The following FRS2 variants were observed in gnomAD, a reference collection of about 807,000 sequenced individuals.
FRS2 encodes FGFR signalling adaptor.
In FRS2, 8 loss-of-function variants were observed where a neutral mutation model predicts 43.9. The ratio of observed to expected loss-of-function variants is 0.18; its 90% CI spans 0.11 to 0.33. The LOEUF (loss-of-function observed/expected upper bound fraction) is 0.33. FRS2 is among the 10% of genes least tolerant of loss of function. The pLI is 1.00. For synonymous variants in FRS2, 219 were observed against 220.3 expected, an observed-to-expected ratio of 0.99 and a Z score of 0.05; for missense variants, 534 against 627.6, an observed-to-expected ratio of 0.85 and a Z score of 1.59.
At chr12:69,560,631 C>T (rs974434613) in intron 3 of FRS2, among the ~76,000 whole-genome samples, 8 of 152,028 alleles carry the variant, frequency 5.3e-5, no homozygotes, top group Non-Finnish European at 1.0e-4. Context: ...GTAGTATGTA[C>T]CTGATTGGTT....
intron 1 of FRS2, among the ~76,000 whole-genome samples, chr12:69,524,903 TCTGCAGGAATCA>T (rs1718972900): frequency 6.6e-6 from 1 of 152,160 alleles, no homozygotes. Flanking sequence ...ACTCACCCCT[TCTGCAGGAATCA>T]CTGGGGGCCA....
At chr12:69,523,027 C>T (rs1337087713) in intron 1 of FRS2, among the ~76,000 whole-genome samples, 1 of 152,074 alleles carries the variant, frequency 6.6e-6, no homozygotes, top group African/African-American at 2.4e-5. Context: ...AGAGTATGTG[C>T]CGTATGGCGA....
chr12:69,511,636 A>G (rs564628787), intron 1 of FRS2, among the ~76,000 whole-genome samples: 1 of 152,328 alleles, frequency 6.6e-6, no homozygotes, highest in African/African-American at 2.4e-5. Context: ...GGATTAGGTC[A>G]GTCGTTGAGT....
At chr12:69,525,632 G>A (rs952883024) in intron 1 of FRS2, among the ~76,000 whole-genome samples, 3 of 151,958 alleles carry the variant, frequency 2.0e-5, no homozygotes, top group African/African-American at 7.3e-5. Flanking sequence ...TCTTGAGAAC[G>A]CGTGTCCTCT....
intron 3 of FRS2, among the ~76,000 whole-genome samples, chr12:69,534,389 T>C (rs1267470763): frequency 6.6e-6 from 1 of 152,224 alleles, no homozygotes; most frequent in Non-Finnish European, 1.5e-5. Flanking sequence ...AAATTCAGAA[T>C]AGGTTGAAAC....
chr12:69,510,356 C>T (rs147547246), intron 1 of FRS2, among the ~76,000 whole-genome samples: 6 of 152,188 alleles, frequency 3.9e-5, no homozygotes, highest in African/African-American at 7.2e-5. Flanking sequence ...ATTCTGTCTC[C>T]GTTACATCTG....
intron 1 of FRS2, among the ~76,000 whole-genome samples, chr12:69,527,364 TA>T (rs1876362316): frequency 7.0e-6 from 1 of 143,000 alleles, no homozygotes. Flanking sequence ...TTTTTTTTTT[TA>T]AAGAGACAAG....
At chr12:69,557,639 G>GTGTGT (rs1879534715) in intron 3 of FRS2, 1 of 108,914 alleles carries the variant, frequency 9.2e-6, no homozygotes, top group Non-Finnish European at 1.8e-5. Flanking sequence ...CGCGCGCGCA[G>GTGTGT]GTGCATGCAC....
intron 7 of FRS2, 41 bp downstream of exon 7, chr12:69,571,475 G>A (rs762339765): frequency 1.7e-4 from 258 of 1,486,194 alleles, no homozygotes; most frequent in South Asian, 1.5e-3. Context: ...AATAACAGAC[G>A]TTTAGTTGTA....
chr12:69,503,487 A>C (rs976965036), intron 1 of FRS2, among the ~76,000 whole-genome samples: 1 of 152,180 alleles, frequency 6.6e-6, no homozygotes, highest in African/African-American at 2.4e-5. Flanking sequence ...GGATCTTAGA[A>C]TTCTGCCTAC....
chr12:69,545,909 T>C (rs1878362784), intron 3 of FRS2, among the ~76,000 whole-genome samples: 1 of 152,012 alleles, frequency 6.6e-6, no homozygotes, highest in African/African-American at 2.4e-5. Context: ...GATATCTACA[T>C]ACAAAATAAT....
chr12:69,494,808 T>C (rs1412454979), intron 1 of FRS2, among the ~76,000 whole-genome samples: 3 of 152,174 alleles, frequency 2.0e-5, no homozygotes, highest in Admixed American at 6.5e-5. Context: ...AGTTTTGCTC[T>C]TGTTGCCCAG....
intron 1 of FRS2, among the ~76,000 whole-genome samples, chr12:69,493,645 C>T (rs1382049058): frequency 1.3e-5 from 2 of 152,112 alleles, no homozygotes; most frequent in Non-Finnish European, 2.9e-5. Flanking sequence ...TGCTTGAACC[C>T]GGGAGGCGGG....
intron 1 of FRS2, among the ~76,000 whole-genome samples, chr12:69,508,446 C>G (rs1260667708): frequency 6.6e-6 from 1 of 152,016 alleles, no homozygotes; most frequent in East Asian, 1.9e-4. Flanking sequence ...AGAAAGGCAT[C>G]TATTATGATT....
At chr12:69,519,877 CGTAT>C (rs1565742538) in intron 1 of FRS2, among the ~76,000 whole-genome samples, 1 of 152,118 alleles carries the variant, frequency 6.6e-6, no homozygotes, top group South Asian at 2.1e-4. Context: ...CATATATGTG[CGTAT>C]GTCTTTATGA....
In FRS2 at chr12:69,521,625, G is replaced by GT. The variant is rs557494978; in HGVS notation, c.-260-9232dup. ...TTTTGTTTTTTGTTTTTTGTTTTTTGTTTTTTTTGAGATGGAGTCTCGCTC... is the reference window on the plus strand; with the variant it reads ...TTTTGTTTTTTGTTTTTTGTTTTTTGTTTTTTTTTGAGATGGAGTCTCGCTC... On this transcript the variant is annotated intron_variant, in intron 1 of 8. Coordinates refer to ENST00000549921, the MANE Select transcript of FRS2 (RefSeq NM_001278356.2). Among the ~76,000 whole-genome samples the GT allele has an allele frequency of 8.3e-4, 125 of 151,182 alleles. No individual in the cohort carries two copies. In the East Asian group the frequency reaches 0.01, roughly 12 times the overall value.
chr12:69,518,877 G>C (rs1875327299), intron 1 of FRS2, among the ~76,000 whole-genome samples: 1 of 151,792 alleles, frequency 6.6e-6, no homozygotes, highest in African/African-American at 2.4e-5. Flanking sequence ...AGCCAGGTGT[G>C]GTGGTGCATG....
At chr12:69,487,413 A>G (rs140572417) in intron 1 of FRS2, among the ~76,000 whole-genome samples, 18 of 152,316 alleles carry the variant, frequency 1.2e-4, no homozygotes, top group Non-Finnish European at 2.4e-4. Flanking sequence ...TCTGTGCTTT[A>G]TGAATGGAAC....
intron 3 of FRS2, among the ~76,000 whole-genome samples, chr12:69,553,740 G>A (rs1285317661): frequency 1.3e-5 from 2 of 152,218 alleles, no homozygotes; most frequent in Non-Finnish European, 2.9e-5. Flanking sequence ...TAGGGCTAAG[G>A]AATGGGCGTA....
Sources: allele counts gnomAD v4.1 joint callset (sites outside exome capture counted in the v4.1 genomes callset), GRCh38; gene constraint gnomAD v4.1.1; transcripts MANE v1.5; gene names NCBI Gene and HGNC (gene_info 2026-07-23, HGNC 2026-07-21).